The following WDR7 variants were observed in gnomAD, a reference collection of about 807,000 sequenced individuals.
The protein encoded by WDR7 is WD repeat domain 7, also known as WD repeat-containing protein 7.
In WDR7, 46 loss-of-function variants were observed where a neutral mutation model predicts 169.4. The observed-to-expected ratio is 0.27, with a 90% CI of 0.21 to 0.35. The LOEUF is 0.35. Ranked by LOEUF, WDR7 falls within the 10% of genes least tolerant of loss-of-function variation. WDR7 has a pLI of 1.00. For missense variants in WDR7, 1,534 were observed against 1,859.3 expected (o/e 0.83, Z 3.22); for synonymous variants, 612 against 666.8 (o/e 0.92, Z 1.27).
At chr18:56,931,190 C>T (rs539816136) in intron 22 of WDR7, among the ~76,000 whole-genome samples, 2 of 152,212 alleles carry the variant, frequency 1.3e-5, no homozygotes, top group Admixed American at 1.3e-4. Context: ...GGGTGATCCG[C>T]ATAACAGCCA....
At chr18:56,888,854 G>A (rs4429371) in intron 21 of WDR7, among the ~76,000 whole-genome samples, 124,603 of 152,042 alleles carry the variant, frequency 0.82, 51,415 homozygotes, top group East Asian at 0.98. Context: ...TAGGATCAAT[G>A]TCTATCTTAA....
chr18:56,663,732 ATAT>A (rs1388535644), intron 1 of WDR7, among the ~76,000 whole-genome samples: 1 of 151,958 alleles, frequency 6.6e-6, no homozygotes, highest in Non-Finnish European at 1.5e-5. Context: ...ATATGACACG[ATAT>A]TATTTTTTGA....
intron 1 of WDR7, among the ~76,000 whole-genome samples, chr18:56,664,536 T>C (rs1163038450): frequency 6.6e-6 from 1 of 151,942 alleles, no homozygotes; most frequent in East Asian, 1.9e-4. Context: ...TCTCCTTTTT[T>C]TTTTTTTTTA....
chr18:56,947,366 T>C (rs986602125), intron 25 of WDR7, among the ~76,000 whole-genome samples: 1 of 152,228 alleles, frequency 6.6e-6, no homozygotes, highest in African/African-American at 2.4e-5. Context: ...CAAAAAGGCA[T>C]CATCTAGCAC....
At chr18:56,742,211 T>C (rs2043630413) in intron 14 of WDR7, among the ~76,000 whole-genome samples, 1 of 152,234 alleles carries the variant, frequency 6.6e-6, no homozygotes, top group Non-Finnish European at 1.5e-5. Context: ...AAATTTCTTT[T>C]ACTATCTCAC....
intron 16 of WDR7, among the ~76,000 whole-genome samples, chr18:56,771,823 G>GGT (rs1388943067): frequency 1.3e-5 from 2 of 151,574 alleles, no homozygotes; most frequent in Non-Finnish European, 2.9e-5. Context: ...CAGAGGTTGT[G>GGT]GTGAGCCAAG....
At chr18:56,759,037 T>A in intron 16 of WDR7, 84 bp downstream of exon 16, 1 of 959,532 alleles carries the variant, frequency 1.0e-6, no homozygotes, top group East Asian at 3.9e-5. Flanking sequence ...AATCATAATA[T>A]TTGTTTGTCT....
At chr18:56,797,336 G>A (rs2044601274) in intron 19 of WDR7, among the ~76,000 whole-genome samples, 2 of 152,048 alleles carry the variant, frequency 1.3e-5, no homozygotes, top group South Asian at 4.2e-4. Flanking sequence ...ATTTGGACCT[G>A]TAAAAAGGAC....
At chr18:56,977,737 A>T (rs1458993284) in intron 26 of WDR7, among the ~76,000 whole-genome samples, 1 of 152,228 alleles carries the variant, frequency 6.6e-6, no homozygotes, top group Non-Finnish European at 1.5e-5. Flanking sequence ...TTATATAATG[A>T]AAACATTATA....
chr18:57,002,306 A>G (rs568613574), intron 26 of WDR7, among the ~76,000 whole-genome samples: 1 of 152,208 alleles, frequency 6.6e-6, no homozygotes, highest in South Asian at 2.1e-4. Flanking sequence ...CTTTATTGAT[A>G]TGAACATACA....
intron 16 of WDR7, 125 bp from the exon 17 acceptor site, chr18:56,776,657 G>A (rs909635064): frequency 1.6e-4 from 119 of 743,730 alleles, no homozygotes; most frequent in South Asian, 1.2e-3. Context: ...TGAAAACATC[G>A]TTTCAGTTCT....
At chr18:57,032,745 GA>G, downstream of WDR7, 1 of 164,148 alleles carries the variant, frequency 6.1e-6, no homozygotes. Context: ...TTAGTTGCAG[GA>G]AAACAAGCTC....
intron 19 of WDR7, among the ~76,000 whole-genome samples, chr18:56,786,484 G>A (rs1337579428): frequency 6.6e-6 from 1 of 151,276 alleles, no homozygotes; most frequent in African/African-American, 2.4e-5. Context: ...AGCCAAGATC[G>A]CGCCACTGCA....
chr18:56,776,183 TAA>T (rs369267320), intron 16 of WDR7, among the ~76,000 whole-genome samples: 3 of 144,728 alleles, frequency 2.1e-5, no homozygotes, highest in South Asian at 2.2e-4. Flanking sequence ...GTGAAATAAT[TAA>T]AAAAAAAAAA....
chr18:56,825,547 C>T (rs2045186861), intron 20 of WDR7, among the ~76,000 whole-genome samples: 1 of 152,066 alleles, frequency 6.6e-6, no homozygotes, highest in Admixed American at 6.6e-5. Flanking sequence ...CACATAAAAG[C>T]CACAGATAGG....
At chr18:56,726,931 A>G (rs1028599630) in intron 13 of WDR7, among the ~76,000 whole-genome samples, 2 of 152,052 alleles carry the variant, frequency 1.3e-5, no homozygotes, top group African/African-American at 4.8e-5. Flanking sequence ...CTTTCTTCAT[A>G]GTCACACAGT....
Position 56,791,604 on chromosome 18 carries a change from G to C in WDR7, c.3190+9948G>C, listed in dbSNP as rs189088494. 3.9e-5 allele frequency among the ~76,000 whole-genome samples: 6 copies of C among 152,280 alleles called. No homozygotes were observed. The East Asian group carries it at 9.6e-4, about 24-fold the overall frequency. ...AGAAATGAGTCTCTGAATTTTGGGT[G>C]ATGGCTGGAGGATTGGGCCTTTTCA... On this transcript the variant is annotated intron_variant, in intron 19 of 27. Coordinates refer to ENST00000254442, the MANE Select transcript of WDR7 (RefSeq NM_015285.3).
chr18:56,782,073 G>C (rs546009060), intron 19 of WDR7: 224 of 152,926 alleles, frequency 1.5e-3, no homozygotes, highest in Non-Finnish European at 2.4e-3. Context: ...GAAAAACAAA[G>C]ATCTGATAGA....
intron 26 of WDR7, among the ~76,000 whole-genome samples, chr18:57,013,336 A>G (rs1204955791): frequency 2.6e-5 from 4 of 152,228 alleles, no homozygotes; most frequent in Non-Finnish European, 5.9e-5. Context: ...TCCATGGTCC[A>G]GGGGTTGAGG....
Sources: gnomAD v4.1 joint callset for allele counts (sites outside exome capture counted in the v4.1 genomes callset) on GRCh38, gnomAD v4.1.1 for gene constraint, MANE v1.5 for transcripts, NCBI Gene and HGNC (gene_info 2026-07-23, HGNC 2026-07-21) for gene names.